The following WRN variants were observed in gnomAD, a reference collection of about 807,000 sequenced individuals.
The protein encoded by WRN is bifunctional 3'-5' exonuclease/ATP-dependent helicase WRN.
WRN carries 149 observed loss-of-function variants against 180.7 expected under a neutral mutation model. That is an observed-to-expected ratio of 0.82 (90% CI 0.72 to 0.94). WRN has a LOEUF of 0.94. WRN is among the 40% of genes least tolerant of loss of function. The pLI, the probability that WRN is intolerant of heterozygous loss-of-function variation, is 0.00. For synonymous variants in WRN, 548 were observed against 568.9 expected, an observed-to-expected ratio of 0.96 and a Z score of 0.52; for missense variants, 1,661 against 1,700.1, an observed-to-expected ratio of 0.98 and a Z score of 0.40.
intron 1 of WRN, among the ~76,000 whole-genome samples, chr8:31,036,407 G>A (rs996083532): frequency 2.0e-5 from 3 of 152,136 alleles, no homozygotes; most frequent in African/African-American, 7.2e-5. Flanking sequence ...GGACCCGCTT[G>A]TAGTTCTACA....
Position 31,173,394 on chromosome 8 carries a change from G to T in WRN, c.*292G>T. 2.7e-6 allele frequency: 1 copy of T among 375,196 alleles called. No individual in the cohort carries two copies. Among genetic ancestry groups the T allele is most frequent in the South Asian group, 3.7e-5 (1 of 26,950 alleles). The allele number at this position is 375,196 out of a possible 1,614,324, so 23.2% of individuals were successfully genotyped here. ...GTTTTCTAATCTCTTTATTAAAACA[G>T]TGTATTTGGAAAATGTTATGTGCTC... On this transcript the variant is annotated 3_prime_UTR_variant, in exon 35 of 35. Transcript: ENST00000298139.
chr8:31,100,768 T>C, intron 17 of WRN, 81 bp from the exon 18 acceptor site: 12 of 1,154,426 alleles, frequency 1.0e-5, no homozygotes, highest in Middle Eastern at 2.6e-4. Flanking sequence ...TGGTTATTTA[T>C]TCTCCTTTGG....
At position 31,159,860 on chromosome 8, in the gene WRN, G is replaced by A. The variant is rs529471907; in HGVS notation, c.3982+2330G>A. Among the ~76,000 whole-genome samples the A allele has an allele frequency of 4.0e-5, 6 of 150,434 alleles. No homozygotes were observed. In the South Asian group the frequency reaches 8.4e-4, roughly 21 times the overall value. On this transcript the variant is annotated intron_variant, in intron 33 of 34. Coordinates refer to ENST00000298139, the MANE Select transcript of WRN (RefSeq NM_000553.6). ...CTCAGGAGACTGAGGCAGGAGAATC[G>A]CTTGAACTGGGGAGGCGGAGGTTGC...
At chr8:31,043,912 A>G (rs1423065733) in intron 1 of WRN, among the ~76,000 whole-genome samples, 1 of 152,212 alleles carries the variant, frequency 6.6e-6, no homozygotes, top group Non-Finnish European at 1.5e-5. Flanking sequence ...GGACTACAAG[A>G]TAACTTATTT....
At chr8:31,087,575 C>T in intron 11 of WRN, 1 of 524,234 alleles carries the variant, frequency 1.9e-6, no homozygotes, top group Non-Finnish European at 3.4e-6. Context: ...GGAAATGTTC[C>T]ATCTTTGGCC....
intron 7 of WRN, among the ~76,000 whole-genome samples, chr8:31,071,639 G>A (rs1451515923): frequency 6.6e-6 from 1 of 152,008 alleles, no homozygotes; most frequent in Non-Finnish European, 1.5e-5. Context: ...CTGCCACCAC[G>A]CCCAGCTAAT....
At chr8:31,149,452 GGTGTTTTTTTTT>G in intron 30 of WRN, among the ~76,000 whole-genome samples, 1 of 123,944 alleles carries the variant, frequency 8.1e-6, no homozygotes, top group Non-Finnish European at 1.6e-5. Flanking sequence ...CTTTAATAGA[GGTGTTTTTTTTT>G]TTTTTTTTTT....
chr8:31,059,474 T>C (rs1270476699), intron 3 of WRN, among the ~76,000 whole-genome samples: 1 of 152,218 alleles, frequency 6.6e-6, no homozygotes, highest in Non-Finnish European at 1.5e-5. Flanking sequence ...CATAAGCTTT[T>C]CTATTACTTC....
chr8:31,171,243 CTT>C (rs1804089663), intron 34 of WRN: 1 of 151,888 alleles, frequency 6.6e-6, no homozygotes, highest in Admixed American at 6.6e-5. Context: ...ATGTACTCCT[CTT>C]TTGGCAGAGT....
chr8:31,133,015 T>C (rs979138768), intron 24 of WRN, among the ~76,000 whole-genome samples: 1 of 152,232 alleles, frequency 6.6e-6, no homozygotes, highest in African/African-American at 2.4e-5. Flanking sequence ...AAAATTGTGG[T>C]TTTTGCCTTT....
rs551967563 is a variant in WRN at position 31,085,598 on chromosome 8, T to C, written c.1431+352T>C. On this transcript the variant is annotated intron_variant, in intron 11 of 34. Transcript: ENST00000298139. Reference sequence around the variant, plus strand: ...GATTCTCCTGCATGAGCCTCCTGAGTAGCTGGGATTACAGGCGTGTGCCAC... The same window carrying C: ...GATTCTCCTGCATGAGCCTCCTGAGCAGCTGGGATTACAGGCGTGTGCCAC... Among the ~76,000 whole-genome samples the C allele has an allele frequency of 8.0e-4, 121 of 152,092 alleles. 2 individuals are homozygous for C. Among genetic ancestry groups the C allele is most frequent in the African/African-American group, 2.9e-3 (120 of 41,470 alleles).
intron 24 of WRN, among the ~76,000 whole-genome samples, chr8:31,133,226 C>T (rs1299223536): frequency 6.6e-6 from 1 of 152,128 alleles, no homozygotes; most frequent in Non-Finnish European, 1.5e-5. Flanking sequence ...GTATTACACA[C>T]TGATAATGGC....
At chr8:31,168,213 C>T (rs988956360) in intron 34 of WRN, among the ~76,000 whole-genome samples, 1 of 152,018 alleles carries the variant, frequency 6.6e-6, no homozygotes, top group African/African-American at 2.4e-5. Context: ...TATAACTGAA[C>T]TAGCTATAAG....
At position 31,122,032 on chromosome 8, in the gene WRN, A is replaced by G. The variant is rs73670458; in HGVS notation, c.2630+1608A>G. The stretch of plus-strand genomic sequence containing the variant: ...TGAGGACATTAATATCCAGTTTTAT[A>G]TTGTGCATTTGAAGGTTCATCAATA... On this transcript the variant is annotated intron_variant, in intron 21 of 34. Transcript: ENST00000298139. 6.9e-3 allele frequency among the ~76,000 whole-genome samples: 1,048 copies of G among 152,010 alleles called. 9 individuals are homozygous for G. Among genetic ancestry groups the G allele is most frequent in the African/African-American group, 0.024 (990 of 41,516 alleles).
chr8:31,045,712 T>A (rs1205155252), intron 1 of WRN, among the ~76,000 whole-genome samples: 4 of 152,172 alleles, frequency 2.6e-5, no homozygotes, highest in African/African-American at 7.2e-5. Flanking sequence ...CACACTATTT[T>A]AATTACTGTA....
intron 22 of WRN, 114 bp from the exon 23 acceptor site, chr8:31,124,794 T>A (rs1183315925): frequency 8.0e-7 from 1 of 1,243,466 alleles, no homozygotes; most frequent in Non-Finnish European, 1.2e-6. Flanking sequence ...TGAAGTCAAA[T>A]AATGAAGTCC....
intron 33 of WRN, among the ~76,000 whole-genome samples, chr8:31,166,353 C>T (rs1803860299): frequency 1.3e-5 from 2 of 152,094 alleles, no homozygotes; most frequent in East Asian, 3.9e-4. Context: ...TATTGGCTTG[C>T]CTATAGGAGG....
At position 31,058,563 on chromosome 8, in the gene WRN, T is replaced by C; in HGVS notation, c.96+20T>C. 6.2e-7 allele frequency: 1 copy of C among 1,609,458 alleles called. No individual in the cohort carries two copies. The highest frequency in any genetic ancestry group is 8.5e-7 in the Non-Finnish European group (1 of 1,176,564). On this transcript the variant is annotated intron_variant, in intron 2 of 34. Transcript: ENST00000298139. ...AGAAAGGTATGTTGTTCATTGACTA[T>C]TCTTTTGGGTGAGAAATTTAATTTA...
At chr8:31,133,545 CAT>C (rs1445366151) in intron 24 of WRN, among the ~76,000 whole-genome samples, 2 of 151,448 alleles carry the variant, frequency 1.3e-5, no homozygotes, top group Non-Finnish European at 2.9e-5. Flanking sequence ...AAAAAAGAAA[CAT>C]ATTTATTAAA....
Sources: allele counts gnomAD v4.1 joint callset (sites outside exome capture counted in the v4.1 genomes callset), GRCh38; gene constraint gnomAD v4.1.1; transcripts MANE v1.5; gene names NCBI Gene and HGNC (gene_info 2026-07-23, HGNC 2026-07-21).